Variants in PRKG1 observed in about 807,000 individuals in gnomAD.
The protein encoded by PRKG1 is protein kinase cGMP-dependent 1.
In PRKG1, 35 loss-of-function variants were observed where a neutral mutation model predicts 88.1. That is an observed-to-expected ratio of 0.40 (90% CI 0.30 to 0.53). The LOEUF is 0.53. Ranked by LOEUF, PRKG1 falls within the 20% of genes least tolerant of loss-of-function variation. The pLI, the probability that PRKG1 is intolerant of heterozygous loss-of-function variation, is 0.59. For synonymous variants in PRKG1, 303 were observed against 292.5 expected (o/e 1.04, Z -0.37); for missense variants, 540 against 839.8 (o/e 0.64, Z 4.41).
At chr10:51,027,072 A>C (rs981349194) in intron 1 of PRKG1, among the ~76,000 whole-genome samples, 7 of 152,146 alleles carry the variant, frequency 4.6e-5, no homozygotes, top group Admixed American at 3.3e-4. Context: ...ATGAAATGTG[A>C]GGCTCCTTGT....
At chr10:51,645,005 C>A (rs371695784) in intron 3 of PRKG1, among the ~76,000 whole-genome samples, 2 of 152,102 alleles carry the variant, frequency 1.3e-5, no homozygotes, top group South Asian at 2.1e-4. Flanking sequence ...TCAGGCTGGT[C>A]TCGAACTCCT....
At chr10:51,318,591 C>T (rs1841379408) in intron 2 of PRKG1, among the ~76,000 whole-genome samples, 3 of 152,234 alleles carry the variant, frequency 2.0e-5, no homozygotes, top group East Asian at 1.9e-4. Flanking sequence ...GGAGTCAACA[C>T]TGTCAGGCAT....
chr10:51,520,998 ACTGCAGT>A (rs1400098740), intron 3 of PRKG1, among the ~76,000 whole-genome samples: 1 of 152,234 alleles, frequency 6.6e-6, no homozygotes, highest in East Asian at 1.9e-4. Flanking sequence ...GATTATTAAA[ACTGCAGT>A]GCCTCCTGGG....
chr10:51,125,303 GAC>G (rs1845367896), intron 1 of PRKG1, among the ~76,000 whole-genome samples: 1 of 151,938 alleles, frequency 6.6e-6, no homozygotes, highest in Non-Finnish European at 1.5e-5. Context: ...CATCCTGGGT[GAC>G]AGAGTGAGAC....
chr10:51,141,125 G>A (rs575013453), intron 1 of PRKG1, among the ~76,000 whole-genome samples: 36 of 152,212 alleles, frequency 2.4e-4, no homozygotes, highest in Non-Finnish European at 4.1e-4. Flanking sequence ...CCCTGTCCCT[G>A]ATTTCTGGAA....
intron 3 of PRKG1, among the ~76,000 whole-genome samples, chr10:51,667,377 A>G (rs2096184784): frequency 1.3e-5 from 2 of 152,206 alleles, no homozygotes; most frequent in Admixed American, 1.3e-4. Flanking sequence ...TTAGATACGT[A>G]CAGCCTTCCT....
intron 3 of PRKG1, among the ~76,000 whole-genome samples, chr10:51,628,182 T>TTTTC (rs1327727308): frequency 5.3e-4 from 77 of 146,422 alleles, no homozygotes; most frequent in African/African-American, 1.7e-3. Flanking sequence ...CTTTTCTTTC[T>TTTTC]TTTCTTTCTT....
chr10:51,669,581 G>A (rs934414442), intron 3 of PRKG1, among the ~76,000 whole-genome samples: 1 of 152,088 alleles, frequency 6.6e-6, no homozygotes, highest in Non-Finnish European at 1.5e-5. Context: ...CTTTGAAATT[G>A]CTAACTAACA....
chr10:51,834,698 G>GAAAGAAAGAAAGAA (rs1564667143), intron 4 of PRKG1, among the ~76,000 whole-genome samples: 1 of 139,842 alleles, frequency 7.2e-6, no homozygotes, highest in African/African-American at 2.8e-5. Flanking sequence ...GAAAGAAAGA[G>GAAAGAAAGAAAGAA]AGAGAGAGAA....
intron 3 of PRKG1, among the ~76,000 whole-genome samples, chr10:51,564,170 C>CT (rs1160419616): frequency 6.6e-6 from 1 of 151,932 alleles, no homozygotes; most frequent in Non-Finnish European, 1.5e-5. Flanking sequence ...GTGCTGGGTA[C>CT]TTTTTTATGT....
intron 3 of PRKG1, among the ~76,000 whole-genome samples, chr10:51,545,489 TC>T (rs1185968556): frequency 6.6e-6 from 1 of 152,132 alleles, no homozygotes; most frequent in African/African-American, 2.4e-5. Flanking sequence ...AAGCATCCCT[TC>T]CTGGGGCATA....
Position 52,257,154 on chromosome 10 carries a change from G to T in PRKG1, c.1173+5488G>T, listed in dbSNP as rs1476651377. On this transcript the variant is annotated intron_variant, in intron 10 of 17. Transcript: ENST00000373980. ...GTTCAGTTTCTAAACCACATAACTGGATTGCCCAGGAAAAGAAAATGTGGT... is the reference window on the plus strand; with the variant it reads ...GTTCAGTTTCTAAACCACATAACTGTATTGCCCAGGAAAAGAAAATGTGGT... Among the ~76,000 whole-genome samples the T allele has an allele frequency of 2.2e-5, 3 of 138,868 alleles. 1 individual carries two copies. Among genetic ancestry groups the T allele is most frequent in the Non-Finnish European group, 4.9e-5 (3 of 61,532 alleles). 91.1% of individuals were successfully genotyped at this position (138,868 alleles called of 152,430 possible).
intron 5 of PRKG1, among the ~76,000 whole-genome samples, chr10:52,023,842 T>A (rs1399886523): frequency 1.3e-5 from 2 of 152,210 alleles, no homozygotes; most frequent in Admixed American, 6.5e-5. Context: ...ATTGCAAAAA[T>A]TTTCTCGCAT....
intron 5 of PRKG1, among the ~76,000 whole-genome samples, chr10:52,050,814 C>T (rs1845971430): frequency 6.6e-6 from 1 of 152,128 alleles, no homozygotes; most frequent in Admixed American, 6.6e-5. Context: ...ATAGACTAGA[C>T]TATATCTGGA....
intron 2 of PRKG1, among the ~76,000 whole-genome samples, chr10:51,300,276 T>C (rs1840848121): frequency 6.6e-6 from 1 of 152,206 alleles, no homozygotes; most frequent in Non-Finnish European, 1.5e-5. Context: ...GCAGCTTTTC[T>C]TCTCTTTGGT....
At chr10:51,471,782 G>C (rs1335773591) in intron 3 of PRKG1, among the ~76,000 whole-genome samples, 4 of 151,722 alleles carry the variant, frequency 2.6e-5, no homozygotes, top group Non-Finnish European at 5.9e-5. Flanking sequence ...TATTCAAATG[G>C]TCTCATTCAA....
intron 8 of PRKG1, among the ~76,000 whole-genome samples, chr10:52,161,092 T>TTAA (rs1455224380): frequency 6.6e-6 from 1 of 152,006 alleles, no homozygotes; most frequent in Non-Finnish European, 1.5e-5. Flanking sequence ...TAAGAGTTAC[T>TTAA]GTATCTGGTT....
chr10:52,270,080 T>C (rs910898094), intron 10 of PRKG1, among the ~76,000 whole-genome samples: 1 of 152,108 alleles, frequency 6.6e-6, no homozygotes, highest in Non-Finnish European at 1.5e-5. Context: ...CAATTTTTTT[T>C]CTCTTTAAAC....
intron 2 of PRKG1, among the ~76,000 whole-genome samples, chr10:51,218,528 T>TATAAA (rs1838435499): frequency 1.2e-5 from 1 of 82,208 alleles, no homozygotes; most frequent in East Asian, 3.3e-4. Context: ...TATATATATA[T>TATAAA]ATAAAATGTG....
Sources: allele counts gnomAD v4.1 joint callset (sites outside exome capture counted in the v4.1 genomes callset), GRCh38; gene constraint gnomAD v4.1.1; transcripts MANE v1.5; gene names NCBI Gene and HGNC (gene_info 2026-07-23, HGNC 2026-07-21).